The following TELO2 variants were observed in gnomAD, a reference collection of about 807,000 sequenced individuals.
TELO2 encodes telomere length regulation protein TEL2 homolog.
TELO2 carries 71 observed loss-of-function variants against 91.0 expected under a neutral mutation model. The observed-to-expected ratio is 0.78, with a 90% CI of 0.64 to 0.95. The LOEUF is 0.95. Ranked by LOEUF, TELO2 falls within the 40% of genes least tolerant of loss-of-function variation. TELO2 has a pLI of 0.00. For missense variants in TELO2, 1,183 were observed against 1,141.3 expected, an observed-to-expected ratio of 1.04 and a Z score of -0.53; for synonymous variants, 584 against 518.9, an observed-to-expected ratio of 1.13 and a Z score of -1.71.
intron 3 of TELO2, among the ~76,000 whole-genome samples, chr16:1,496,180 C>T (rs1053730000): frequency 3.3e-5 from 5 of 152,214 alleles, no homozygotes; most frequent in Admixed American, 2.0e-4. Context: ...AGACGCAGGT[C>T]GAGCACCTGG....
chr16:1,507,292 C>G lies in TELO2; in HGVS notation c.2227-14C>G. The G allele has an allele frequency of 6.2e-7, 1 of 1,607,332 alleles. No homozygotes were observed. Among genetic ancestry groups the G allele is most frequent in the South Asian group, 1.1e-5 (1 of 91,018 alleles). On this transcript the variant is annotated splice_polypyrimidine_tract_variant and intron_variant, in intron 18 of 20. Transcript: ENST00000262319. ...CGTCGGGACCCCACTGACTGTCCCT[C>G]TGCTGGTGTCCAGGTGGCTGTGGCC... is the stretch of plus-strand genomic sequence containing the variant.
Position 1,501,802 on chromosome 16 carries a change from C to T in TELO2, c.1472+29C>T, listed in dbSNP as rs201102836. 2.7e-3 allele frequency: 4,376 copies of T among 1,592,578 alleles called. 24 individuals are homozygous for T. Among genetic ancestry groups the T allele is most frequent in the Middle Eastern group, 7.3e-3 (44 of 6,008 alleles). On this transcript the variant is annotated intron_variant, in intron 11 of 20. Transcript: ENST00000262319. ...GGGGCTCTGCCACCCCAGTGGGCAG[C>T]GTGCAGGAGGCCGGGAGGCGAACCC... is the stretch of plus-strand genomic sequence containing the variant.
At chr16:1,501,873 C>A (rs528586620) in intron 11 of TELO2, 100 bp downstream of exon 11, 3 of 1,452,964 alleles carry the variant, frequency 2.1e-6, no homozygotes, top group Non-Finnish European at 2.8e-6. Context: ...CTGCCTGCTC[C>A]GTGCTTCTTC....
rs779259878 is a variant in TELO2, at chr16:1,499,313, T to G, written c.913T>G (p.Phe305Val). 3 of 1,612,152 alleles carry G rather than the reference T, an allele frequency of 1.9e-6. No individual in the cohort carries two copies. The South Asian group carries it at 3.3e-5, about 18-fold the overall frequency. Residue 305 changes from phenylalanine (F) to valine (V), a missense_variant, in exon 6 of 21, where the codon TTC (phenylalanine) becomes GTC (valine). By Grantham distance (50) the Phe-to-Val change is conservative (BLOSUM62 -1). Coordinates refer to ENST00000262319, the MANE Select transcript of TELO2 (RefSeq NM_016111.4). ...GTTTGTGATGACCCAGAAGCTTCTG[T>G]TCTTACAGTCCCGGCTCACGGTGAG... is the stretch of plus-strand genomic sequence containing the variant. The part of the protein sequence containing the change: ...AQFVMTQKLL[F>V]LQSRLTTPML...
chr16:1,500,141 C>CAGCG lies in TELO2; in HGVS notation c.980_983dup (p.Arg329AlafsTer55), dbSNP rs1245019913. 6.2e-7 allele frequency: 1 copy of CAGCG among 1,607,412 alleles called. No individual in the cohort carries two copies. The highest frequency in any genetic ancestry group is 1.7e-5 in the Admixed American group (1 of 59,912). On this transcript the variant is annotated frameshift_variant, in exon 7 of 21. Coordinates refer to ENST00000262319, the MANE Select transcript of TELO2 (RefSeq NM_016111.4). LOFTEE classifies it high-confidence loss of function. ...GCTGGGCCATCTGGCCATGGACAGC[C>CAGCG]AGCGGCGCCCGCTCCTGCTGCAGGT...
At position 1,505,646 on chromosome 16, in the gene TELO2, GT is replaced by G; in HGVS notation, c.2034+46del. ...CTCCTCACGGGCATGGGGACCGTGGGTGGGTGGGAAGGGCGGTCAGACACCT... is the reference window on the plus strand; with the variant it reads ...CTCCTCACGGGCATGGGGACCGTGGGGGGTGGGAAGGGCGGTCAGACACCT... On this transcript the variant is annotated intron_variant, in intron 16 of 20. Transcript: ENST00000262319. This position sits in a 1 kb window ranked among gnomAD's most constrained non-coding sequence, Gnocchi z 4.3. 6.6e-7 allele frequency: 1 copy of G among 1,506,500 alleles called. No homozygotes were observed. Among genetic ancestry groups the G allele is most frequent in the Non-Finnish European group, 9.1e-7 (1 of 1,100,908 alleles). The allele number at this position is 1,506,500 out of a possible 1,614,324, so 93.3% of individuals were successfully genotyped here.
intron 13 of TELO2, 75 bp downstream of exon 13, chr16:1,502,479 G>T: frequency 6.5e-7 from 1 of 1,532,474 alleles, no homozygotes; most frequent in Non-Finnish European, 8.8e-7. Flanking sequence ...CCTGGCCACT[G>T]AGGGTGACAT....
chr16:1,504,392 C>T (rs1303665081), intron 15 of TELO2, among the ~76,000 whole-genome samples: 2 of 131,734 alleles, frequency 1.5e-5, no homozygotes, highest in African/African-American at 5.8e-5. Flanking sequence ...CAAGATGGCG[C>T]CACTGCACTC....
rs761106615 is a variant in TELO2, at chr16:1,506,998, G to C, written c.2173G>C (p.Gly725Arg). 2.5e-6 allele frequency: 4 copies of C among 1,612,212 alleles called. No homozygotes were observed. The highest frequency in any genetic ancestry group is 1.3e-5 in the African/African-American group (1 of 75,012). ...DLLGEDQLVL[G>R]RLAHTLGALM... ...CTTGGGAGAAGACCAGCTGGTTCTC[G>C]GAAGGCTGGCGCACACCTTAGGGGC... The change falls in exon 18 of 21, where the codon GGA becomes CGA. Residue 725 changes from glycine to arginine, a missense_variant. Physicochemically the swap from Gly to Arg is moderately radical, Grantham distance 125. Coordinates refer to ENST00000262319, the MANE Select transcript of TELO2 (RefSeq NM_016111.4).
At chr16:1,496,568 G>A (rs1055762088) in intron 3 of TELO2, among the ~76,000 whole-genome samples, 3 of 152,200 alleles carry the variant, frequency 2.0e-5, no homozygotes, top group South Asian at 4.1e-4. Flanking sequence ...CCGCTGCCCC[G>A]CGTCCCAGCT....
rs745519670 is a variant in TELO2, at chr16:1,497,099, G to A, written c.677G>A (p.Arg226Lys). Residue 226 changes from arginine (R) to lysine (K), a missense_variant, in exon 4 of 21, where the codon AGG becomes AAG. Transcript: ENST00000262319. The surrounding 1 kb of genome is among the most constrained non-coding windows in gnomAD (Gnocchi z 4.0). ...CTTGGGAAAGCCTGTGTCCACGGGA[G>A]GCAGCGTGAGTAGAGCAGTGCCTTC... ...QVLGKACVHG[R>K]QQEILGVLVP... The A allele has an allele frequency of 1.2e-6, 2 of 1,614,044 alleles. No homozygotes were observed. Among genetic ancestry groups the A allele is most frequent in the Non-Finnish European group, 1.7e-6 (2 of 1,179,998 alleles).
Position 1,494,718 on chromosome 16 carries a change from T to C in TELO2, c.335+102T>C, listed in dbSNP as rs144255898. 5 of 1,248,890 alleles carry C rather than the reference T, an allele frequency of 4.0e-6. No homozygotes were observed. Among genetic ancestry groups the C allele is most frequent in the Non-Finnish European group, 4.3e-6 (4 of 921,010 alleles). The allele number at this position is 1,248,890 out of a possible 1,614,324, so 77.4% of individuals were successfully genotyped here. A position where few individuals can be genotyped will look rare whatever the true frequency, so the allele number is the denominator to read the frequency against. On this transcript the variant is annotated intron_variant, in intron 2 of 20. Coordinates refer to ENST00000262319, the MANE Select transcript of TELO2 (RefSeq NM_016111.4). This position sits in a 1 kb window ranked among gnomAD's most constrained non-coding sequence, Gnocchi z 5.6. ...AGCCTCTCTAGTCCCTGTGAGGGGC[T>C]AGAGAGAGAGCCTGCTCCTGGCTGA...
rs1596246427 is a variant in TELO2, at chr16:1,494,202, G to T, written c.-36-44G>T. The T allele has an allele frequency of 6.4e-6, 9 of 1,398,270 alleles. No homozygotes were observed. The East Asian group carries it at 1.9e-4, about 29-fold the overall frequency. 86.6% of individuals were successfully genotyped at this position (1,398,270 alleles called of 1,614,324 possible). ...CCGAGGGGCTTCCTGAGCTTGTGTGGATTATTTCCGTGCCCCAAGCTGAGC... is the reference window on the plus strand; with the variant it reads ...CCGAGGGGCTTCCTGAGCTTGTGTGTATTATTTCCGTGCCCCAAGCTGAGC... On this transcript the variant is annotated intron_variant, in intron 1 of 20. Coordinates refer to ENST00000262319, the MANE Select transcript of TELO2 (RefSeq NM_016111.4). This position sits in a 1 kb window ranked among gnomAD's most constrained non-coding sequence, Gnocchi z 5.6.
At chr16:1,507,842 G>A in intron 20 of TELO2, 126 bp downstream of exon 20, 1 of 396,738 alleles carries the variant, frequency 2.5e-6, no homozygotes. Flanking sequence ...GATGTGTGTT[G>A]GCCCGGGGTG....
intron 5 of TELO2, among the ~76,000 whole-genome samples, chr16:1,498,287 T>G (rs1483366341): frequency 1.3e-5 from 2 of 152,180 alleles, no homozygotes; most frequent in Non-Finnish European, 2.9e-5. Flanking sequence ...AGTGTTGGGA[T>G]TATAGGCGTG....
intron 7 of TELO2, 22 bp downstream of exon 7, chr16:1,500,186 G>C (rs372865167): frequency 1.3e-6 from 2 of 1,588,388 alleles, no homozygotes; most frequent in Non-Finnish European, 1.7e-6. Flanking sequence ...CTGGCTCTCC[G>C]TCCCTGCGAG....
At position 1,497,438 on chromosome 16, in the gene TELO2, C is replaced by T. The variant is rs374512269; in HGVS notation, c.760C>T (p.Arg254Cys). The stretch of plus-strand genomic sequence containing the variant: ...CTACCTGCACCAGCGCGTCTGCTGG[C>T]GCCTGGTGGAGCAAGTGCCGGACCG... Reference protein sequence around the residue: ...GSYLHQRVCWRLVEQVPDRAM... With the variant: ...GSYLHQRVCWCLVEQVPDRAM... The change falls in exon 5 of 21, where the codon CGC (arginine) becomes TGC (cysteine). Residue 254 changes from arginine to cysteine, a missense_variant. By Grantham distance (180) the Arg-to-Cys change is radical (BLOSUM62 -3). Transcript: ENST00000262319. This position sits in a 1 kb window ranked among gnomAD's most constrained non-coding sequence, Gnocchi z 4.0. 13 of 1,564,512 alleles carry T rather than the reference C, an allele frequency of 8.3e-6. No individual in the cohort carries two copies. The highest frequency in any genetic ancestry group is 1.1e-5 in the Non-Finnish European group (13 of 1,155,768).
At chr16:1,507,780 G>GT in intron 20 of TELO2, 64 bp downstream of exon 20, 1 of 1,284,144 alleles carries the variant, frequency 7.8e-7, no homozygotes, top group South Asian at 1.3e-5. Context: ...GTGTATGTGT[G>GT]TGTGTGTGTG....
In TELO2 at chr16:1,507,733, G is replaced by A. The variant is rs781269961; in HGVS notation, c.2407+17G>A. 13 of 1,593,546 alleles carry A rather than the reference G, an allele frequency of 8.2e-6. No homozygotes were observed. Among genetic ancestry groups the A allele is most frequent in the South Asian group, 2.2e-5 (2 of 89,454 alleles). On this transcript the variant is annotated intron_variant, in intron 20 of 20. Transcript: ENST00000262319. ...GGCTGGCGGGTGAGTGTCGGCCTGCGGTGTGTGTGTGAGATGTGTGTCGGC... is the reference window on the plus strand; with the variant it reads ...GGCTGGCGGGTGAGTGTCGGCCTGCAGTGTGTGTGTGAGATGTGTGTCGGC...
Sources: allele counts gnomAD v4.1 joint callset (sites outside exome capture counted in the v4.1 genomes callset), GRCh38; gene constraint gnomAD v4.1.1; non-coding constraint Gnocchi (gnomAD v3.1); transcripts MANE v1.5; gene names NCBI Gene and HGNC (gene_info 2026-07-23, HGNC 2026-07-21).